EPN2: variants seen among roughly 807,000 people sequenced by gnomAD.
The protein encoded by EPN2 is epsin 2, also known as epsin-2.
A neutral mutation model predicts 61.7 loss-of-function variants in EPN2; 34 were observed. The ratio of observed to expected loss-of-function variants is 0.55; its 90% confidence interval spans 0.42 to 0.73. EPN2 has a LOEUF of 0.73. Among genes scored for constraint, EPN2 ranks in the 30% least tolerant of loss-of-function variants. The pLI is 0.00. For synonymous variants in EPN2, 349 were observed against 353.6 expected, an observed-to-expected ratio of 0.99 and a Z score of 0.15; for missense variants, 714 against 839.2, an observed-to-expected ratio of 0.85 and a Z score of 1.84.
rs1227754341 is a variant in EPN2, at chr17:19,312,134, AAAAG to A, written c.968_971del (p.Lys323SerfsTer14). 2 of 1,613,432 alleles carry A rather than the reference AAAAG, an allele frequency of 1.2e-6. No homozygotes were observed. The highest frequency in any genetic ancestry group is 1.7e-6 in the Non-Finnish European group (2 of 1,179,364). On this transcript the variant is annotated frameshift_variant, in exon 6 of 11. Transcript: ENST00000314728. LOFTEE classifies it high-confidence loss of function. ...CGAAGGGACACAGTTAAAATTCCAA[AAAAG>A]AAAGAGGTAAGAGCTTGCTGGGAGG...
chr17:19,277,342 A>G (rs781118813), intron 1 of EPN2, among the ~76,000 whole-genome samples: 1 of 148,050 alleles, frequency 6.8e-6, no homozygotes, highest in Non-Finnish European at 1.5e-5. Context: ...CAGAGGTTGC[A>G]GTGAGCCGAG....
chr17:19,267,320 A>C (rs554238450), intron 1 of EPN2, among the ~76,000 whole-genome samples: 2 of 152,096 alleles, frequency 1.3e-5, no homozygotes, highest in Non-Finnish European at 2.9e-5. Context: ...TGATGATTGC[A>C]CAACATTGTG....
intron 7 of EPN2, among the ~76,000 whole-genome samples, chr17:19,323,323 TG>T (rs1304041896): frequency 6.6e-6 from 1 of 152,170 alleles, no homozygotes; most frequent in African/African-American, 2.4e-5. Flanking sequence ...TCAGTGTGGC[TG>T]GGGGTAAACA....
At chr17:19,302,515 T>C (rs1025041085) in intron 4 of EPN2, among the ~76,000 whole-genome samples, 5 of 152,182 alleles carry the variant, frequency 3.3e-5, no homozygotes, top group African/African-American at 1.2e-4. Flanking sequence ...GGATCTAGGT[T>C]GTATGCTCCT....
chr17:19,269,749 A>T (rs925923176), intron 1 of EPN2, among the ~76,000 whole-genome samples: 4 of 152,174 alleles, frequency 2.6e-5, no homozygotes, highest in African/African-American at 9.7e-5. Context: ...CCTGGCATCT[A>T]CACGTGGTTG....
chr17:19,335,612 G>C lies in EPN2; in HGVS notation c.*1358G>C. On this transcript the variant is annotated 3_prime_UTR_variant, in exon 11 of 11. Coordinates refer to ENST00000314728, the MANE Select transcript of EPN2 (RefSeq NM_014964.5). Reference sequence around the variant, plus strand: ...CCCTGGGCAACAGTCCCTAGGCTAAGACAGGGGTGGGGGGCTAAGGGACCA... The same window carrying C: ...CCCTGGGCAACAGTCCCTAGGCTAACACAGGGGTGGGGGGCTAAGGGACCA... 7.8e-6 allele frequency: 5 copies of C among 641,172 alleles called. No individual in the cohort carries two copies. The highest frequency in any genetic ancestry group is 3.2e-5 in the East Asian group (1 of 31,544). 39.7% of individuals were successfully genotyped at this position (641,172 alleles called of 1,614,324 possible).
Position 19,285,717 on chromosome 17 carries a change from G to T in EPN2, c.693G>T (p.Pro231=), listed in dbSNP as rs748135001. 6.2e-7 allele frequency: 1 copy of T among 1,605,412 alleles called. No homozygotes were observed. The highest frequency in any genetic ancestry group is 2.2e-5 in the East Asian group (1 of 44,628). Residue 231 remains proline, a synonymous_variant, in exon 4 of 11, where the codon CCG becomes CCT. Coordinates refer to ENST00000314728, the MANE Select transcript of EPN2 (RefSeq NM_014964.5). This position sits in a 1 kb window ranked among gnomAD's most constrained non-coding sequence, Gnocchi z 4.5. ...TGAGCCAGCGCCACCCCTTCCTGCC[G>T]CACCTGGGGCTGGCCTCCCGCCCAA... ...QPLSQRHPFL[P]HLGLASRPNG... is the part of the protein sequence containing the mutation.
At chr17:19,253,289 GGATCCAAACTT>G (rs2152203681) in intron 1 of EPN2, among the ~76,000 whole-genome samples, 1 of 152,034 alleles carries the variant, frequency 6.6e-6, no homozygotes, top group East Asian at 1.9e-4. Flanking sequence ...GTTGTAGCAT[GGATCCAAACTT>G]GATTCCTTTT....
chr17:19,313,044 C>G, intron 6 of EPN2, 61 bp from the exon 7 acceptor site: 2 of 1,549,918 alleles, frequency 1.3e-6, no homozygotes, highest in Non-Finnish European at 8.8e-7. Flanking sequence ...ATGGCTAGTT[C>G]ATGAGTATTT....
intron 10 of EPN2, 112 bp from the exon 11 acceptor site, chr17:19,333,844 G>T: frequency 1.2e-6 from 1 of 830,536 alleles, no homozygotes; most frequent in Non-Finnish European, 1.8e-6. Context: ...GCACTGTCAC[G>T]GGCTCTGAGG....
chr17:19,302,759 T>C (rs1162813249), intron 4 of EPN2, among the ~76,000 whole-genome samples: 2 of 152,234 alleles, frequency 1.3e-5, no homozygotes, highest in African/African-American at 4.8e-5. Flanking sequence ...GGAAAAATTG[T>C]CTTCCACTAA....
chr17:19,301,100 G>A (rs1285721402), intron 4 of EPN2, among the ~76,000 whole-genome samples: 1 of 152,148 alleles, frequency 6.6e-6, no homozygotes, highest in Non-Finnish European at 1.5e-5. Flanking sequence ...TGCGTGGCAG[G>A]TGCTGGGGGA....
At chr17:19,278,496 TACTC>T (rs1247071574) in intron 1 of EPN2, among the ~76,000 whole-genome samples, 4 of 152,106 alleles carry the variant, frequency 2.6e-5, no homozygotes, top group African/African-American at 4.8e-5. Context: ...TCATGAGACT[TACTC>T]ACTATCACAG....
Position 19,285,846 on chromosome 17 carries a change from G to A in EPN2, c.766+56G>A. 6.8e-7 allele frequency: 1 copy of A among 1,479,224 alleles called. No homozygotes were observed. Among genetic ancestry groups the A allele is most frequent in the Non-Finnish European group, 9.0e-7 (1 of 1,105,392 alleles). 91.6% of individuals were successfully genotyped at this position (1,479,224 alleles called of 1,614,324 possible). On this transcript the variant is annotated intron_variant, in intron 4 of 10. Coordinates refer to ENST00000314728, the MANE Select transcript of EPN2 (RefSeq NM_014964.5). The surrounding 1 kb of genome is among the most constrained non-coding windows in gnomAD (Gnocchi z 4.5). ...AGAAATGCTGGGCAGCTTGCTGGGG[G>A]TGTGCTTGCCATGCCAGTACAGCCA...
intron 7 of EPN2, among the ~76,000 whole-genome samples, chr17:19,322,830 A>G (rs1906705584): frequency 6.6e-6 from 1 of 152,078 alleles, no homozygotes; most frequent in South Asian, 2.1e-4. Context: ...GAAGGCATGA[A>G]GCTACATGTA....
chr17:19,243,894 A>G (rs1318102161), intron 1 of EPN2, among the ~76,000 whole-genome samples: 2 of 152,064 alleles, frequency 1.3e-5, no homozygotes, highest in Non-Finnish European at 2.9e-5. Flanking sequence ...CAGTCTAGGG[A>G]CCAAATTTGG....
At chr17:19,240,119 G>A (rs1317777948) in intron 1 of EPN2, among the ~76,000 whole-genome samples, 1 of 152,122 alleles carries the variant, frequency 6.6e-6, no homozygotes, top group Non-Finnish European at 1.5e-5. Flanking sequence ...TTTTCTGGCG[G>A]TTCTCACTGT....
At chr17:19,308,774 C>T (rs1177524220) in intron 4 of EPN2, among the ~76,000 whole-genome samples, 1 of 152,192 alleles carries the variant, frequency 6.6e-6, no homozygotes, top group Non-Finnish European at 1.5e-5. Flanking sequence ...TGGGCACATA[C>T]TTCTAAAACT....
At chr17:19,264,240 T>C (rs1567846922) in intron 1 of EPN2, among the ~76,000 whole-genome samples, 1 of 152,238 alleles carries the variant, frequency 6.6e-6, no homozygotes, top group Non-Finnish European at 1.5e-5. Context: ...TCTAATCTTT[T>C]AGGAATTATA....
Sources: gnomAD v4.1 joint callset for allele counts (sites outside exome capture counted in the v4.1 genomes callset) on GRCh38, gnomAD v4.1.1 for gene constraint, Gnocchi (gnomAD v3.1) non-coding constraint, MANE v1.5 for transcripts, NCBI Gene and HGNC (gene_info 2026-07-23, HGNC 2026-07-21) for gene names.